DIP2A: variants seen among roughly 807,000 people sequenced by gnomAD.
The protein encoded by DIP2A is DIP2 acetate--CoA ligase A.
Under a neutral mutation model 177.4 loss-of-function variants are expected in DIP2A, and 85 were observed. The ratio of observed to expected loss-of-function variants is 0.48; its 90% CI spans 0.40 to 0.57. The LOEUF is 0.57. DIP2A is among the 20% of genes least tolerant of loss of function. DIP2A has a pLI of 0.00. For missense variants in DIP2A, 1,791 were observed against 2,100.2 expected (o/e 0.85, Z 2.88); for synonymous variants, 886 against 881.8 (o/e 1.00, Z -0.08).
At chr21:46,549,922 T>G in intron 22 of DIP2A, 37 bp downstream of exon 22, 1 of 1,605,182 alleles carries the variant, frequency 6.2e-7, no homozygotes, top group Non-Finnish European at 8.5e-7. Context: ...TCGGTGAATC[T>G]CCCAAGCTGG....
chr21:46,519,582 G>A (rs1027906604), intron 8 of DIP2A, among the ~76,000 whole-genome samples: 2 of 152,256 alleles, frequency 1.3e-5, no homozygotes, highest in African/African-American at 4.8e-5. Context: ...AAGTCAGAAA[G>A]CATCAGTATG....
chr21:46,504,041 T>C (rs2057845957), intron 5 of DIP2A, among the ~76,000 whole-genome samples: 1 of 152,196 alleles, frequency 6.6e-6, no homozygotes, highest in African/African-American at 2.4e-5. Context: ...AGGGAATTTC[T>C]AACCAAAATC....
In DIP2A at chr21:46,498,912, C is replaced by T. The variant is rs930217642; in HGVS notation, c.655+79C>T. On this transcript the variant is annotated intron_variant, in intron 5 of 37. Transcript: ENST00000417564. The surrounding 1 kb of genome is among the most constrained non-coding windows in gnomAD (Gnocchi z 4.3). ...CCAGGACAGAGGAGCAGATGGAGGG[C>T]ACCTGAGCCAGGCGCCACCCTGCAG... 1 of 1,469,800 alleles carries T rather than the reference C, an allele frequency of 6.8e-7. No individual in the cohort carries two copies. The allele number at this position is 1,469,800 out of a possible 1,614,324, so 91.0% of individuals were successfully genotyped here. A position where few individuals can be genotyped will look rare whatever the true frequency, so the allele number is the denominator to read the frequency against.
intron 8 of DIP2A, among the ~76,000 whole-genome samples, chr21:46,527,720 A>G (rs1238077475): frequency 2.6e-5 from 4 of 151,932 alleles, no homozygotes; most frequent in African/African-American, 9.7e-5. Context: ...CGGGAAATTG[A>G]GCGCTCATTT....
At position 46,556,407 on chromosome 21, in the gene DIP2A, G is replaced by A. The variant is rs1569106123; in HGVS notation, c.3498+316G>A. On this transcript the variant is annotated intron_variant, in intron 29 of 37. Transcript: ENST00000417564. The surrounding 1 kb of genome is among the most constrained non-coding windows in gnomAD (Gnocchi z 4.5). Reference sequence around the variant, plus strand: ...AGCTCAATTAAAATTTTTCAGGCGGGGCGTGGTGGCTCACGCCTGTAATCC... The same window carrying A: ...AGCTCAATTAAAATTTTTCAGGCGGAGCGTGGTGGCTCACGCCTGTAATCC... 7.5e-7 allele frequency: 1 copy of A among 1,341,378 alleles called. No individual in the cohort carries two copies. Among genetic ancestry groups the A allele is most frequent in the African/African-American group, 1.5e-5 (1 of 67,470 alleles). The allele number at this position is 1,341,378 out of a possible 1,614,324, so 83.1% of individuals were successfully genotyped here.
chr21:46,561,156 T>C (rs2060649441), intron 33 of DIP2A: 1 of 527,902 alleles, frequency 1.9e-6, no homozygotes, highest in Non-Finnish European at 2.7e-6. Context: ...AGAAGACAAG[T>C]AACCCATCTA....
At chr21:46,547,860 G>T (rs961483977) in intron 21 of DIP2A, among the ~76,000 whole-genome samples, 1 of 151,784 alleles carries the variant, frequency 6.6e-6, no homozygotes, top group Non-Finnish European at 1.5e-5. Flanking sequence ...TGTAGAGATA[G>T]GGTCTCACTA....
At chr21:46,522,863 CT>C (rs1212399661) in intron 8 of DIP2A, among the ~76,000 whole-genome samples, 1 of 152,096 alleles carries the variant, frequency 6.6e-6, no homozygotes, top group Non-Finnish European at 1.5e-5. Flanking sequence ...GCTGTTAGAC[CT>C]TGAATATCTG....
At chr21:46,470,469 C>T (rs750730350) in intron 1 of DIP2A, among the ~76,000 whole-genome samples, 9 of 126,978 alleles carry the variant, frequency 7.1e-5, no homozygotes, top group Admixed American at 2.3e-4. Flanking sequence ...AGCGAAGCTC[C>T]GTCTCAAAAA....
Position 46,563,847 on chromosome 21 carries a change from CCT to C in DIP2A, c.4090-9_4090-8del. On this transcript the variant is annotated splice_polypyrimidine_tract_variant and intron_variant, in intron 34 of 37. Coordinates refer to ENST00000417564, the MANE Select transcript of DIP2A (RefSeq NM_015151.4). The surrounding 1 kb of genome is among the most constrained non-coding windows in gnomAD (Gnocchi z 4.3). ...TTTCTTTAACAAGGGACATAGCTCT[CCT>C]CCTTCCAGATCCTCCCCGGCGTGAA... 1.9e-6 allele frequency: 3 copies of C among 1,613,160 alleles called. No homozygotes were observed. Among genetic ancestry groups the C allele is most frequent in the Non-Finnish European group, 2.5e-6 (3 of 1,179,738 alleles).
Position 46,557,031 on chromosome 21 carries a change from C to A in DIP2A, c.3591C>A (p.Pro1197=), listed in dbSNP as rs559672230. The A allele has an allele frequency of 2.5e-6, 4 of 1,605,480 alleles. No homozygotes were observed. Among genetic ancestry groups the A allele is most frequent in the East Asian group, 4.5e-5 (2 of 44,606 alleles). Residue 1197 remains proline, a synonymous_variant, in exon 30 of 38, where the codon CCC becomes CCA. Transcript: ENST00000417564. This position sits in a 1 kb window ranked among gnomAD's most constrained non-coding sequence, Gnocchi z 6.0. ...PSRQIAICLD[P]YCGLGFALWC... ...GGCAGATCGCCATCTGCCTCGACCC[C>A]TACTGTGGCCTTGGTTTTGCCCTGT...
At chr21:46,478,690 C>A (rs1055328900) in intron 1 of DIP2A, among the ~76,000 whole-genome samples, 2 of 150,594 alleles carry the variant, frequency 1.3e-5, no homozygotes, top group African/African-American at 4.9e-5. Context: ...TCTTGCACAC[C>A]TTTCATTAAA....
At chr21:46,544,658 T>G (rs1299470936) in intron 18 of DIP2A, among the ~76,000 whole-genome samples, 5 of 152,176 alleles carry the variant, frequency 3.3e-5, no homozygotes, top group African/African-American at 1.2e-4. Context: ...AAGATTAGTC[T>G]GGAGTCACAT....
rs1239877268 is a variant in DIP2A at position 46,540,105 on chromosome 21, A to G, written c.2036+114A>G. On this transcript the variant is annotated intron_variant, in intron 17 of 37. Coordinates refer to ENST00000417564, the MANE Select transcript of DIP2A (RefSeq NM_015151.4). The stretch of plus-strand genomic sequence containing the variant: ...TAGGATCCAGGCCCATTTGTGCAGT[A>G]GTACCTTGGTGCCTGGCCCCCCACA... 1.1e-5 allele frequency: 9 copies of G among 854,354 alleles called. 1 individual carries two copies. Among genetic ancestry groups the G allele is most frequent in the Admixed American group, 2.3e-5 (1 of 43,568 alleles). The allele number at this position is 854,354 out of a possible 1,614,324, so 52.9% of individuals were successfully genotyped here.
downstream of DIP2A, among the ~76,000 whole-genome samples, chr21:46,571,679 C>G (rs780376634): frequency 2.0e-5 from 3 of 152,108 alleles, no homozygotes; most frequent in Non-Finnish European, 4.4e-5. Flanking sequence ...TGGGAGTTCA[C>G]TCATCATTTG....
chr21:46,548,181 CGTGT>C (rs151337762), intron 21 of DIP2A, among the ~76,000 whole-genome samples: 635 of 147,654 alleles, frequency 4.3e-3, no homozygotes, highest in East Asian at 0.022. Flanking sequence ...TGCATGTGTG[CGTGT>C]GTGTGTGTGT....
intron 27 of DIP2A, 31 bp from the exon 28 acceptor site, chr21:46,554,791 G>T (rs746511168): frequency 5.9e-6 from 7 of 1,186,340 alleles, no homozygotes; most frequent in African/African-American, 4.3e-5. Context: ...GAGAGGCCCC[G>T]CCCACCCACC....
intron 20 of DIP2A, 80 bp from the exon 21 acceptor site, chr21:46,546,835 T>G: frequency 6.5e-7 from 1 of 1,541,712 alleles, no homozygotes; most frequent in South Asian, 1.2e-5. Context: ...TGGCCCCTTC[T>G]TGGGGGGCCT....
Position 46,532,160 on chromosome 21 carries a change from A to G in DIP2A, c.1228A>G (p.Met410Val). The part of the protein sequence containing the change: ...ALVFPNSDPV[M>V]FMVAFYGCLL... ...CGTGTTTCCGAATAGTGACCCTGTG[A>G]TGTTCATGGTTGCATTTTATGGGTG... The change falls in exon 10 of 38, where the codon ATG (methionine) becomes GTG (valine). Residue 410 changes from methionine to valine, a missense_variant. Met to Val is a conservative substitution (Grantham distance 21). Transcript: ENST00000417564. 5 of 1,613,834 alleles carry G rather than the reference A, an allele frequency of 3.1e-6. No individual in the cohort carries two copies. The highest frequency in any genetic ancestry group is 4.2e-6 in the Non-Finnish European group (5 of 1,179,822).
Sources: allele counts gnomAD v4.1 joint callset (sites outside exome capture counted in the v4.1 genomes callset), GRCh38; gene constraint gnomAD v4.1.1; non-coding constraint Gnocchi (gnomAD v3.1); transcripts MANE v1.5; gene names NCBI Gene and HGNC (gene_info 2026-07-23, HGNC 2026-07-21).